Variants in PBX1 observed in about 807,000 individuals in gnomAD.
The protein encoded by PBX1 is PBX homeobox 1.
PBX1 carries 6 observed loss-of-function variants against 53.4 expected under a neutral mutation model. The observed-to-expected ratio is 0.11, with a 90% CI of 0.06 to 0.22. The LOEUF (loss-of-function observed/expected upper bound fraction) is 0.22, where lower values mean the gene tolerates loss of function less well. PBX1 is among the 10% of genes least tolerant of loss of function. PBX1 has a pLI of 1.00. For synonymous variants in PBX1, 204 were observed against 212.3 expected (o/e 0.96, Z 0.34); for missense variants, 251 against 551.4 (o/e 0.46, Z 5.46).
intron 2 of PBX1, among the ~76,000 whole-genome samples, chr1:164,710,414 T>A (rs1663687553): frequency 6.6e-6 from 1 of 152,078 alleles, no homozygotes; most frequent in South Asian, 2.1e-4. Context: ...TTCTTTTTTT[T>A]CCTTTTTGTT....
At chr1:164,730,039 C>T (rs1664897775) in intron 2 of PBX1, among the ~76,000 whole-genome samples, 1 of 152,138 alleles carries the variant, frequency 6.6e-6, no homozygotes, top group Admixed American at 6.5e-5. Flanking sequence ...ACAGCAGAGC[C>T]ATTTATTGTT....
At chr1:164,569,674 G>A (rs1271924123) in intron 2 of PBX1, among the ~76,000 whole-genome samples, 1 of 141,638 alleles carries the variant, frequency 7.1e-6, no homozygotes, top group Non-Finnish European at 1.5e-5. Flanking sequence ...GGGTTCAAGC[G>A]ATTCTCCTGC....
At chr1:164,875,871 C>T (rs1015798804) in intron 2 of PBX1, among the ~76,000 whole-genome samples, 34 of 151,540 alleles carry the variant, frequency 2.2e-4, no homozygotes, top group African/African-American at 8.3e-4. Flanking sequence ...ATTTTAGTGA[C>T]TTTATAATAA....
chr1:164,721,079 G>A (rs1249684182), intron 2 of PBX1, among the ~76,000 whole-genome samples: 1 of 152,218 alleles, frequency 6.6e-6, no homozygotes, highest in Non-Finnish European at 1.5e-5. Flanking sequence ...GCAAGGATAA[G>A]TGTACGTGTC....
intron 2 of PBX1, among the ~76,000 whole-genome samples, chr1:164,736,472 C>G (rs990949340): frequency 9.2e-5 from 14 of 151,818 alleles, no homozygotes; most frequent in Admixed American, 4.6e-4. Flanking sequence ...ATTCCACGCT[C>G]TCTCGTCTCA....
chr1:164,853,263 A>G (rs958974974), downstream of PBX1, among the ~76,000 whole-genome samples: 3 of 152,178 alleles, frequency 2.0e-5, no homozygotes, highest in African/African-American at 7.2e-5. Flanking sequence ...TGCAAGGGTT[A>G]GGGGTAGGCG....
intron 2 of PBX1, among the ~76,000 whole-genome samples, chr1:164,711,114 G>C (rs996368809): frequency 6.6e-6 from 1 of 152,018 alleles, no homozygotes; most frequent in African/African-American, 2.4e-5. Context: ...TAACATTTGA[G>C]GGGGGAAAAT....
intron 2 of PBX1, among the ~76,000 whole-genome samples, chr1:164,709,225 A>C (rs148302907): frequency 3.8e-4 from 58 of 152,264 alleles, no homozygotes; most frequent in African/African-American, 1.3e-3. Context: ...TGAGCAAGCT[A>C]GTCTTCTTTC....
intron 2 of PBX1, among the ~76,000 whole-genome samples, chr1:164,645,781 A>G (rs1659419887): frequency 6.6e-6 from 1 of 152,254 alleles, no homozygotes; most frequent in Non-Finnish European, 1.5e-5. Context: ...GGCAGAAATG[A>G]CAACACTAAG....
At chr1:164,635,334 G>T (rs1428579931) in intron 2 of PBX1, among the ~76,000 whole-genome samples, 1 of 152,068 alleles carries the variant, frequency 6.6e-6, no homozygotes, top group South Asian at 2.1e-4. Context: ...GGCGAGGGGG[G>T]AGGGAGGGGA....
intron 2 of PBX1, among the ~76,000 whole-genome samples, chr1:164,622,822 C>CTTTTT (rs11299132): frequency 1.9e-5 from 2 of 106,286 alleles, no homozygotes; most frequent in African/African-American, 7.3e-5. Context: ...CAGTTTCCAT[C>CTTTTT]TTTTTTTTTT....
chr1:164,824,764 C>CT (rs1243403811), intron 8 of PBX1, among the ~76,000 whole-genome samples: 6 of 152,128 alleles, frequency 3.9e-5, no homozygotes, highest in Admixed American at 1.3e-4. Flanking sequence ...TAGAGTGGCT[C>CT]TAAGTAATGG....
At chr1:164,591,055 A>G (rs1655340475) in intron 2 of PBX1, among the ~76,000 whole-genome samples, 1 of 141,910 alleles carries the variant, frequency 7.0e-6, no homozygotes, top group Admixed American at 7.4e-5. Flanking sequence ...CTCTGTTGCC[A>G]GGCTGGAGTG....
intron 2 of PBX1, among the ~76,000 whole-genome samples, chr1:164,618,295 GGC>G (rs374674765): frequency 0.33 from 5,318 of 16,266 alleles, 563 homozygotes; most frequent in East Asian, 0.62. Context: ...GAATAATCAC[GGC>G]GGGGGGGGGG....
chr1:164,779,514 A>G (rs1204018848), intron 2 of PBX1, among the ~76,000 whole-genome samples: 1 of 152,098 alleles, frequency 6.6e-6, no homozygotes, highest in Non-Finnish European at 1.5e-5. Flanking sequence ...CCAGTCTGGC[A>G]GAGTCAAACA....
rs1417741390 is a variant in PBX1 at position 164,877,433 on chromosome 1, C to T, written n.258-21755C>T. 6.6e-5 allele frequency among the ~76,000 whole-genome samples: 10 copies of T among 152,206 alleles called. No individual in the cohort carries two copies. The East Asian group carries it at 9.7e-4, about 15-fold the overall frequency. On this transcript the variant is annotated intron_variant and non_coding_transcript_variant, in intron 2 of 2. Transcript: ENST00000558796. ...ATCCCAGCACTTTGGGAGGCAGAGG[C>T]GGACCGATCACTTGAGGTCAGGAAT...
At chr1:164,665,987 T>G (rs1271287838) in intron 2 of PBX1, among the ~76,000 whole-genome samples, 1 of 152,174 alleles carries the variant, frequency 6.6e-6, no homozygotes, top group Non-Finnish European at 1.5e-5. Context: ...ATTATCAAAA[T>G]TGTCGTGCCT....
chr1:164,716,904 C>T (rs557868498), intron 2 of PBX1, among the ~76,000 whole-genome samples: 1 of 152,196 alleles, frequency 6.6e-6, no homozygotes, highest in South Asian at 2.1e-4. Flanking sequence ...TACTGGAATA[C>T]AGACAATATG....
intron 2 of PBX1, among the ~76,000 whole-genome samples, chr1:164,755,243 C>T (rs995202359): frequency 4.6e-5 from 7 of 152,124 alleles, no homozygotes; most frequent in Non-Finnish European, 7.4e-5. Flanking sequence ...CTCCGCCTCC[C>T]GGTTTCAAGC....
Sources: allele counts gnomAD v4.1 joint callset (sites outside exome capture counted in the v4.1 genomes callset), GRCh38; gene constraint gnomAD v4.1.1; transcripts MANE v1.5; gene names NCBI Gene and HGNC (gene_info 2026-07-23, HGNC 2026-07-21).